Variants in PCDH9 observed in about 807,000 individuals in gnomAD.
PCDH9 encodes the protein protocadherin 9.
Under a neutral mutation model 70.6 loss-of-function variants are expected in PCDH9, and 24 were observed. That is an observed-to-expected ratio of 0.34 (90% confidence interval 0.25 to 0.48). The LOEUF (loss-of-function observed/expected upper bound fraction) is 0.48, where lower values mean the gene tolerates loss of function less well. Among genes scored for constraint, PCDH9 ranks in the 20% least tolerant of loss-of-function variants. The pLI, the probability that PCDH9 is intolerant of heterozygous loss-of-function variation, is 0.99. For missense variants in PCDH9, 1,281 were observed against 1,503.6 expected, an observed-to-expected ratio of 0.85 and a Z score of 2.45; for synonymous variants, 562 against 558.5, an observed-to-expected ratio of 1.01 and a Z score of -0.09.
chr13:66,910,792 C>A (rs1347603215), intron 2 of PCDH9, among the ~76,000 whole-genome samples: 1 of 152,124 alleles, frequency 6.6e-6, no homozygotes, highest in African/African-American at 2.4e-5. Flanking sequence ...TTTATCCTAG[C>A]CTTTTATTGC....
At chr13:66,522,553 A>G (rs949266893) in intron 4 of PCDH9, among the ~76,000 whole-genome samples, 3 of 152,114 alleles carry the variant, frequency 2.0e-5, no homozygotes, top group Non-Finnish European at 2.9e-5. Context: ...TGGACTTGTG[A>G]GTTTGACTTC....
intron 4 of PCDH9, among the ~76,000 whole-genome samples, chr13:66,548,415 A>T (rs9540807): frequency 0.25 from 37,772 of 151,528 alleles, 4,888 homozygotes; most frequent in South Asian, 0.34. Flanking sequence ...AAGCACAAAA[A>T]TTAGACAGGC....
intron 3 of PCDH9, among the ~76,000 whole-genome samples, chr13:66,848,923 G>C (rs1473625484): frequency 2.0e-5 from 2 of 97,962 alleles, no homozygotes; most frequent in African/African-American, 8.6e-5. Context: ...GCGAGACTCC[G>C]TCTCAAAAAA....
intron 3 of PCDH9, among the ~76,000 whole-genome samples, chr13:66,810,825 G>A (rs2080490903): frequency 6.6e-6 from 1 of 151,718 alleles, no homozygotes. Flanking sequence ...ATTAGAAGCT[G>A]AATGTGTGTG....
chr13:66,369,583 A>G (rs893782059), intron 4 of PCDH9, among the ~76,000 whole-genome samples: 4 of 152,124 alleles, frequency 2.6e-5, no homozygotes, highest in South Asian at 2.1e-4. Flanking sequence ...ACTACTACTT[A>G]TTTTTTGAAA....
intron 2 of PCDH9, chr13:67,218,214 T>G (rs1339083297): frequency 6.6e-6 from 1 of 152,120 alleles, no homozygotes; most frequent in South Asian, 2.1e-4. Context: ...CATACAGATC[T>G]ATGCAAAATG....
At chr13:67,100,322 T>A (rs967943097) in intron 2 of PCDH9, among the ~76,000 whole-genome samples, 2 of 152,220 alleles carry the variant, frequency 1.3e-5, no homozygotes, top group Admixed American at 1.3e-4. Flanking sequence ...TACTGGGGAC[T>A]GTGCAATGGT....
intron 3 of PCDH9, among the ~76,000 whole-genome samples, chr13:66,852,524 T>C (rs1300535982): frequency 1.3e-5 from 2 of 152,180 alleles, no homozygotes; most frequent in African/African-American, 4.8e-5. Flanking sequence ...CATTTTCCTC[T>C]TGAGAACTGA....
chr13:66,362,120 A>C (rs1188877324), intron 4 of PCDH9, among the ~76,000 whole-genome samples: 2 of 152,188 alleles, frequency 1.3e-5, no homozygotes, highest in Non-Finnish European at 2.9e-5. Flanking sequence ...ATTAGAATAC[A>C]CTTTAAATGC....
At chr13:67,161,207 A>G (rs1331765257) in intron 2 of PCDH9, among the ~76,000 whole-genome samples, 1 of 152,200 alleles carries the variant, frequency 6.6e-6, no homozygotes, top group Admixed American at 6.5e-5. Context: ...TTCAGATATA[A>G]ATTTCTGTTC....
intron 2 of PCDH9, among the ~76,000 whole-genome samples, chr13:67,062,087 C>A (rs1170761817): frequency 1.3e-5 from 2 of 152,096 alleles, no homozygotes; most frequent in Non-Finnish European, 2.9e-5. Flanking sequence ...AAGGCATGGG[C>A]CGAAGAAGTG....
chr13:66,993,631 C>T (rs746056894), intron 2 of PCDH9, among the ~76,000 whole-genome samples: 6 of 152,114 alleles, frequency 3.9e-5, no homozygotes, highest in Non-Finnish European at 8.8e-5. Flanking sequence ...GTTTAAAATG[C>T]AGGACAGGCA....
chr13:66,623,395 T>A (rs781477553), intron 4 of PCDH9, among the ~76,000 whole-genome samples: 1 of 152,106 alleles, frequency 6.6e-6, no homozygotes, highest in African/African-American at 2.4e-5. Flanking sequence ...CACTCCTGAG[T>A]TCATATTTTG....
At chr13:66,420,927 A>T (rs1222372411) in intron 4 of PCDH9, among the ~76,000 whole-genome samples, 1 of 152,114 alleles carries the variant, frequency 6.6e-6, no homozygotes, top group Non-Finnish European at 1.5e-5. Context: ...AAGGAAGCTA[A>T]GAACCTTGAT....
At chr13:66,645,346 G>C (rs1357879289) in intron 3 of PCDH9, among the ~76,000 whole-genome samples, 2 of 152,138 alleles carry the variant, frequency 1.3e-5, no homozygotes, top group East Asian at 3.9e-4. Context: ...TACAATCATA[G>C]TGTTTCTGGT....
chr13:66,871,974 A>G (rs1566255993), intron 3 of PCDH9, among the ~76,000 whole-genome samples: 1 of 152,048 alleles, frequency 6.6e-6, no homozygotes. Context: ...ATGAGCCACA[A>G]TTCCTTTTAC....
rs1405991881 is a variant in PCDH9, at chr13:66,303,543, A to G, written c.*1112T>C. 1 of 152,544 alleles carries G rather than the reference A, an allele frequency of 6.6e-6. No individual in the cohort carries two copies. Among genetic ancestry groups the G allele is most frequent in the African/African-American group, 2.4e-5 (1 of 41,442 alleles). 9.4% of individuals were successfully genotyped at this position (152,544 alleles called of 1,614,324 possible). A position where few individuals can be genotyped will look rare whatever the true frequency, so the allele number is the denominator to read the frequency against. On this transcript the variant is annotated 3_prime_UTR_variant, in exon 5 of 5. Transcript: ENST00000377865. ...ACAACATTATTGTATATGAGGATCA[A>G]CACAGACTCTGCCATTTCAACAAAG...
intron 4 of PCDH9, among the ~76,000 whole-genome samples, chr13:66,392,437 C>T (rs1331136697): frequency 6.6e-6 from 1 of 151,954 alleles, no homozygotes; most frequent in Admixed American, 6.6e-5. Flanking sequence ...ATAACAAATC[C>T]AAAATTCATT....
At chr13:66,939,424 A>ACGTGTGTG (rs370276859) in intron 2 of PCDH9, among the ~76,000 whole-genome samples, 1 of 148,028 alleles carries the variant, frequency 6.8e-6, no homozygotes, top group Non-Finnish European at 1.5e-5. Flanking sequence ...TTTAAAATAT[A>ACGTGTGTG]TGTGTGTGTG....
Sources: gnomAD v4.1 joint callset for allele counts (sites outside exome capture counted in the v4.1 genomes callset) on GRCh38, gnomAD v4.1.1 for gene constraint, MANE v1.5 for transcripts, NCBI Gene and HGNC (gene_info 2026-07-23, HGNC 2026-07-21) for gene names.